Variants in ZNF566 observed in about 807,000 individuals in gnomAD.
ZNF566 encodes the protein zinc finger protein 566.
Under a neutral mutation model 32.8 loss-of-function variants are expected in ZNF566, and 27 were observed. The observed-to-expected ratio is 0.82, with a 90% CI of 0.61 to 1.14. ZNF566 has a LOEUF of 1.14. Among genes scored for constraint, ZNF566 ranks in the 50% most tolerant of loss-of-function variants. The probability of loss-of-function intolerance (pLI) is 0.00; values close to 1 mark genes in which losing one functional copy is unlikely to be tolerated. For synonymous variants in ZNF566, 154 were observed against 159.5 expected, an observed-to-expected ratio of 0.97 and a Z score of 0.26; for missense variants, 402 against 490.4, an observed-to-expected ratio of 0.82 and a Z score of 1.70.
chr19:36,466,920 T>G (rs1487163919), intron 4 of ZNF566, among the ~76,000 whole-genome samples: 2 of 150,330 alleles, frequency 1.3e-5, no homozygotes, highest in Non-Finnish European at 3.0e-5. Flanking sequence ...TACAAAAAAA[T>G]TAGCCGGGCG....
chr19:36,449,636 C>A lies in ZNF566; in HGVS notation c.598G>T (p.Glu200Ter). Residue 200 changes from glutamate (E) to a stop codon, truncating the protein, a stop_gained, in exon 5 of 5, where the codon GAA becomes TAA. Coordinates refer to ENST00000452939, the MANE Select transcript of ZNF566 (RefSeq NM_001145344.1). LOFTEE classifies it high-confidence loss of function. ...EIIHTIEKPY[E>*]CKECGKSFRH... ...AAGGACTTTCCACATTCCTTACATTCATAAGGCTTCTCAATGGTATGAATT... is the reference window on the plus strand; with the variant it reads ...AAGGACTTTCCACATTCCTTACATTAATAAGGCTTCTCAATGGTATGAATT... The A allele has an allele frequency of 1.2e-6, 2 of 1,614,124 alleles. No homozygotes were observed. Among genetic ancestry groups the A allele is most frequent in the Non-Finnish European group, 1.7e-6 (2 of 1,180,026 alleles).
intron 4 of ZNF566, 87 bp downstream of exon 4, chr19:36,472,824 C>T (rs1375076879): frequency 2.8e-6 from 3 of 1,081,108 alleles, no homozygotes; most frequent in Admixed American, 4.4e-5. Context: ...AGGCCAAAAG[C>T]CTGTGAGGAG....
At chr19:36,467,790 C>CAAAAAAAAAAAAAAAA (rs560803094) in intron 4 of ZNF566, among the ~76,000 whole-genome samples, 24 of 85,932 alleles carry the variant, frequency 2.8e-4, no homozygotes, top group Middle Eastern at 6.8e-3. Flanking sequence ...GACTCCATCT[C>CAAAAAAAAAAAAAAAA]AAAAAAAAAA....
intron 4 of ZNF566, among the ~76,000 whole-genome samples, chr19:36,454,964 C>T (rs144119404): frequency 6.6e-6 from 1 of 152,042 alleles, no homozygotes; most frequent in Non-Finnish European, 1.5e-5. Context: ...AACACAGATA[C>T]AAAAATCCTC....
intron 2 of ZNF566, among the ~76,000 whole-genome samples, chr19:36,473,703 G>C (rs1488690138): frequency 6.6e-6 from 1 of 152,108 alleles, no homozygotes; most frequent in East Asian, 1.9e-4. Flanking sequence ...AACAAGGTTG[G>C]GAAGGTACAA....
chr19:36,462,844 C>T (rs993478316), intron 4 of ZNF566, among the ~76,000 whole-genome samples: 1 of 150,264 alleles, frequency 6.7e-6, no homozygotes. Context: ...GTAATCCAAG[C>T]TACTCGAGAG....
At chr19:36,481,316 CAAA>C (rs1292469824) in intron 1 of ZNF566, among the ~76,000 whole-genome samples, 2 of 150,684 alleles carry the variant, frequency 1.3e-5, no homozygotes, top group African/African-American at 2.4e-5. Context: ...ACCAAAAATA[CAAA>C]AATTAGCTGG....
chr19:36,465,185 TATAAA>T (rs1283960889), intron 4 of ZNF566, among the ~76,000 whole-genome samples: 3 of 152,070 alleles, frequency 2.0e-5, no homozygotes, highest in African/African-American at 7.2e-5. Context: ...AATTTAAAAT[TATAAA>T]ATAAGAGTTC....
intron 4 of ZNF566, among the ~76,000 whole-genome samples, chr19:36,464,032 G>A (rs2033550571): frequency 6.6e-6 from 1 of 151,680 alleles, no homozygotes; most frequent in Non-Finnish European, 1.5e-5. Context: ...GGCCAAATTC[G>A]ATGTAATTAT....
intron 1 of ZNF566, among the ~76,000 whole-genome samples, chr19:36,488,401 A>C (rs1056749201): frequency 2.0e-5 from 3 of 152,138 alleles, no homozygotes; most frequent in African/African-American, 7.2e-5. Flanking sequence ...GGCCTACAAA[A>C]ATTTTTTTAA....
chr19:36,474,051 T>C (rs2033827346), intron 2 of ZNF566, among the ~76,000 whole-genome samples: 1 of 152,144 alleles, frequency 6.6e-6, no homozygotes, highest in Non-Finnish European at 1.5e-5. Flanking sequence ...GTTTTGAGTG[T>C]TGAGAAAAGA....
chr19:36,453,600 A>T (rs2033225939), intron 4 of ZNF566, among the ~76,000 whole-genome samples: 1 of 151,560 alleles, frequency 6.6e-6, no homozygotes, highest in Non-Finnish European at 1.5e-5. Flanking sequence ...ACATTGTAAC[A>T]TCAATAATGT....
rs1456611154 is a variant in ZNF566 at position 36,489,492 on chromosome 19, T to G, written c.-66A>C. 3.0e-6 allele frequency: 1 copy of G among 336,512 alleles called. No homozygotes were observed. The highest frequency in any genetic ancestry group is 5.8e-6 in the Non-Finnish European group (1 of 171,728). The allele number at this position is 336,512 out of a possible 1,614,324, so 20.8% of individuals were successfully genotyped here. ...TTCTCACCTCAGGCCTTACCAGCTT[T>G]CGAAGCAGCAGAACCCTCCCCGGCA... is the stretch of plus-strand genomic sequence containing the variant. On this transcript the variant is annotated 5_prime_UTR_variant, in exon 1 of 5. Transcript: ENST00000452939.
chr19:36,449,539 C>T lies in ZNF566; in HGVS notation c.695G>A (p.Cys232Tyr), dbSNP rs1474992034. ...TGKKPFECKE[C>Y]GKTFICGSDL... is the part of the protein sequence containing the mutation. ...TGAGCCACAAATAAAGGTTTTTCCA[C>T]ATTCCTTACATTCAAAGGGTTTCTT... The change falls in exon 5 of 5, where the codon TGT becomes TAT. Residue 232 changes from cysteine to tyrosine, a missense_variant. Cys to Tyr is a radical substitution (Grantham distance 194, BLOSUM62 -2). This residue lies in a region of ZNF566 where 135 missense variants were observed against 210.0 expected (regional missense o/e 0.64). Transcript: ENST00000452939. 1 of 1,614,020 alleles carries T rather than the reference C, an allele frequency of 6.2e-7. No homozygotes were observed. Among genetic ancestry groups the T allele is most frequent in the Non-Finnish European group, 8.5e-7 (1 of 1,180,026 alleles).
rs1301636675 is a variant in ZNF566 at position 36,449,087 on chromosome 19, T to C, written c.1147A>G (p.Ile383Val). 5.0e-6 allele frequency: 8 copies of C among 1,614,112 alleles called. No homozygotes were observed. The highest frequency in any genetic ancestry group is 5.9e-6 in the Non-Finnish European group (7 of 1,180,000). The change falls in exon 5 of 5, where the codon ATT (isoleucine) becomes GTT (valine). Residue 383 changes from isoleucine to valine, a missense_variant. Ile to Val is a conservative substitution (Grantham distance 29). Transcript: ENST00000452939. ...GKAYSQSSQL[I>V]SHHRIHTSEK... The stretch of plus-strand genomic sequence containing the variant: ...CTAGTATGAATTCTATGATGACTAA[T>C]AAGCTGTGAACTCTGAGAATAAGCC...
chr19:36,461,863 C>A lies in ZNF566; in HGVS notation c.232+11048G>T, dbSNP rs75249243. 1.1e-3 allele frequency among the ~76,000 whole-genome samples: 169 copies of A among 152,130 alleles called. 3 individuals are homozygous for A. In the East Asian group the frequency reaches 0.02, roughly 18 times the overall value. ...TTGGATTTGTCCTGTGTGTACACCA[C>A]CCAATCCAATCTGAACTTACACTTT... On this transcript the variant is annotated intron_variant, in intron 4 of 4. Coordinates refer to ENST00000452939, the MANE Select transcript of ZNF566 (RefSeq NM_001145344.1).
At chr19:36,480,745 C>T (rs920399561) in intron 1 of ZNF566, among the ~76,000 whole-genome samples, 9 of 150,782 alleles carry the variant, frequency 6.0e-5, no homozygotes, top group Admixed American at 2.6e-4. Flanking sequence ...TTAAAAGCTT[C>T]GGGGCCAGGC....
chr19:36,454,494 A>G (rs1037327935), intron 4 of ZNF566, among the ~76,000 whole-genome samples: 1 of 152,158 alleles, frequency 6.6e-6, no homozygotes, highest in African/African-American at 2.4e-5. Flanking sequence ...TCAAAACTGC[A>G]GTGAGTTATG....
intron 4 of ZNF566, among the ~76,000 whole-genome samples, chr19:36,472,460 A>G (rs1057135841): frequency 4.6e-5 from 7 of 152,240 alleles, no homozygotes; most frequent in Non-Finnish European, 8.8e-5. Flanking sequence ...TATACATGTT[A>G]GAAAATCAGT....
Sources: allele counts gnomAD v4.1 joint callset (sites outside exome capture counted in the v4.1 genomes callset), GRCh38; gene constraint gnomAD v4.1.1; regional missense constraint gnomAD v4.1.1; transcripts MANE v1.5; gene names NCBI Gene and HGNC (gene_info 2026-07-23, HGNC 2026-07-21).